Variants in BABAM1 observed in about 807,000 individuals in gnomAD.
The protein encoded by BABAM1 is BRISC and BRCA1-A complex member 1.
In BABAM1, 14 loss-of-function variants were observed where a neutral mutation model predicts 34.4. The ratio of observed to expected loss-of-function variants is 0.41; its 90% confidence interval spans 0.27 to 0.64. The LOEUF (loss-of-function observed/expected upper bound fraction) is 0.64. Among genes scored for constraint, BABAM1 ranks in the 30% least tolerant of loss-of-function variants. The pLI is 0.34. For missense variants in BABAM1, 393 were observed against 434.0 expected (o/e 0.91, Z 0.84); for synonymous variants, 169 against 165.8 (o/e 1.02, Z -0.15).
intron 3 of BABAM1, among the ~76,000 whole-genome samples, chr19:17,272,413 G>GT (rs1213131487): frequency 0.017 from 2,378 of 143,136 alleles, 56 homozygotes; most frequent in African/African-American, 0.055. Context: ...CCTTTTTTTT[G>GT]TTTTTTTTTT....
rs1412345989 is a variant in BABAM1 at position 17,273,882 on chromosome 19, C to T, written c.345-22C>T. ...CCGGCCCTGAGGGAACCTTAATTCC[C>T]CTGTACTCTCTGCCTCCCCAGCTCC... On this transcript the variant is annotated intron_variant, in intron 3 of 8. Coordinates refer to ENST00000598188, the MANE Select transcript of BABAM1 (RefSeq NM_014173.4). 4 of 1,584,684 alleles carry T rather than the reference C, an allele frequency of 2.5e-6. No homozygotes were observed. The Admixed American group carries it at 5.5e-5, about 22-fold the overall frequency.
chr19:17,273,951 T>A lies in BABAM1; in HGVS notation c.392T>A (p.Phe131Tyr), dbSNP rs1183433540. The A allele has an allele frequency of 1.2e-6, 2 of 1,613,868 alleles. No individual in the cohort carries two copies. The highest frequency in any genetic ancestry group is 2.2e-5 in the South Asian group (2 of 91,072). ...GTCTCCCAGAAGATGATTGAGATGT[T>A]CGTGCGGACAAAACACAAGATCGAC... Reference protein sequence around the residue: ...LNVSQKMIEMFVRTKHKIDKS... With the variant: ...LNVSQKMIEMYVRTKHKIDKS... The change falls in exon 4 of 9, where the codon TTC (phenylalanine) becomes TAC (tyrosine). Residue 131 changes from phenylalanine to tyrosine, a missense_variant. By Grantham distance (22) the Phe-to-Tyr change is conservative. Coordinates refer to ENST00000598188, the MANE Select transcript of BABAM1 (RefSeq NM_014173.4).
intron 3 of BABAM1, among the ~76,000 whole-genome samples, chr19:17,273,564 G>T (rs12977905): frequency 0.053 from 2,420 of 45,702 alleles, 146 homozygotes; most frequent in Non-Finnish European, 0.088. Context: ...TGTTTGTTTT[G>T]TTTTTTTTTT....
chr19:17,270,162 A>G (rs1474464726), intron 2 of BABAM1, among the ~76,000 whole-genome samples: 4 of 151,718 alleles, frequency 2.6e-5, no homozygotes, highest in Admixed American at 6.6e-5. Context: ...CGATCTCTTG[A>G]CCTCGTGATC....
intron 5 of BABAM1, 34 bp from the exon 6 acceptor site, chr19:17,275,767 G>C (rs761516521): frequency 6.2e-7 from 1 of 1,613,494 alleles, no homozygotes; most frequent in Non-Finnish European, 8.5e-7. Flanking sequence ...GCTCACTCGT[G>C]CTCTACTAGC....
At chr19:17,270,281 C>A (rs1044534688) in intron 2 of BABAM1, among the ~76,000 whole-genome samples, 3 of 152,096 alleles carry the variant, frequency 2.0e-5, no homozygotes, top group African/African-American at 7.2e-5. Flanking sequence ...ATCTCCTGAC[C>A]TTGTGTTCCA....
intron 3 of BABAM1, among the ~76,000 whole-genome samples, chr19:17,273,176 G>C (rs971690472): frequency 3.9e-5 from 6 of 152,182 alleles, no homozygotes; most frequent in East Asian, 1.9e-4. Flanking sequence ...GCCAGGATTC[G>C]GACCCAGGCC....
At chr19:17,278,776 G>C in intron 8 of BABAM1, 69 bp from the exon 9 acceptor site, 2 of 1,443,182 alleles carry the variant, frequency 1.4e-6, no homozygotes, top group Non-Finnish European at 1.9e-6. Context: ...AGCCCTCCAG[G>C]GATATGAAGG....
At chr19:17,267,552 C>A (rs2073782202) in intron 1 of BABAM1, 25 bp downstream of exon 1, 1 of 152,192 alleles carries the variant, frequency 6.6e-6, no homozygotes, top group Non-Finnish European at 1.5e-5. Flanking sequence ...CGTGTGGGGC[C>A]CGTTCCTAGG....
At chr19:17,276,385 C>G (rs1327143129) in intron 6 of BABAM1, 110 bp from the exon 7 acceptor site, 1 of 1,506,826 alleles carries the variant, frequency 6.6e-7, no homozygotes, top group Non-Finnish European at 9.0e-7. Flanking sequence ...ACTTGGGAGA[C>G]ATCAGTGGGG....
Position 17,269,024 on chromosome 19 carries a change from G to A in BABAM1, c.218G>A (p.Trp73Ter). ...LNTSGAGPKSWQVPPPAPEVQ... is the reference protein window; with the variant it reads ...LNTSGAGPKS ...ACTTCAGGAGCCGGCCCTAAGTCCT[G>A]GCAGGTGCCCCCGCCAGCCCCTGAG... is the stretch of plus-strand genomic sequence containing the variant. The change falls in exon 2 of 9, where the codon TGG (tryptophan) becomes TAG (stop). Residue 73 changes from tryptophan (W) to a stop codon, truncating the protein, a stop_gained. Coordinates refer to ENST00000598188, the MANE Select transcript of BABAM1 (RefSeq NM_014173.4). LOFTEE classifies it high-confidence loss of function. 1 of 1,593,954 alleles carries A rather than the reference G, an allele frequency of 6.3e-7. No homozygotes were observed. Among genetic ancestry groups the A allele is most frequent in the Non-Finnish European group, 8.5e-7 (1 of 1,171,588 alleles).
At position 17,271,674 on chromosome 19, in the gene BABAM1, G is replaced by T. The variant is rs537770038; in HGVS notation, c.344+19G>T. The T allele has an allele frequency of 1.1e-5, 18 of 1,612,712 alleles. No individual in the cohort carries two copies. In the South Asian group the frequency reaches 1.8e-4, roughly 16 times the overall value. On this transcript the variant is annotated intron_variant, in intron 3 of 8. Transcript: ENST00000598188. The stretch of plus-strand genomic sequence containing the variant: ...TCAACGGGTAAGAGGGACATTTTAG[G>T]GCTTGAACATGCAGCCATGGCAGGG...
intron 5 of BABAM1, 131 bp downstream of exon 5, chr19:17,274,316 G>C: frequency 8.3e-7 from 1 of 1,200,618 alleles, no homozygotes; most frequent in Admixed American, 2.0e-5. Context: ...GGCTGGGAAA[G>C]TCACCCCTCT....
intron 5 of BABAM1, among the ~76,000 whole-genome samples, chr19:17,275,525 G>C (rs1018965497): frequency 6.6e-6 from 1 of 151,658 alleles, no homozygotes; most frequent in Non-Finnish European, 1.5e-5. Flanking sequence ...CCTGACCTCA[G>C]ATGGTCCACC....
intron 1 of BABAM1, among the ~76,000 whole-genome samples, chr19:17,267,773 G>C (rs942089298): frequency 6.6e-6 from 1 of 152,168 alleles, no homozygotes; most frequent in Non-Finnish European, 1.5e-5. Context: ...CTCCATTCGC[G>C]TCCTGTTTCT....
At chr19:17,276,328 T>C in intron 6 of BABAM1, 167 bp from the exon 7 acceptor site, 1 of 1,028,904 alleles carries the variant, frequency 9.7e-7, no homozygotes, top group Non-Finnish European at 1.4e-6. Flanking sequence ...GGGAACATGC[T>C]CAGGGCAGAG....
chr19:17,268,550 C>T (rs868634140), intron 1 of BABAM1: 1 of 352,704 alleles, frequency 2.8e-6, no homozygotes. Context: ...CTGCCTCAGC[C>T]TCCCGAGTAG....
chr19:17,277,166 T>C, intron 8 of BABAM1: 1 of 405,696 alleles, frequency 2.5e-6, no homozygotes. Flanking sequence ...TGCGTTCCTT[T>C]CTTTCTTGCT....
chr19:17,276,750 A>G, intron 7 of BABAM1, 73 bp from the exon 8 acceptor site: 1 of 1,556,762 alleles, frequency 6.4e-7, no homozygotes, highest in East Asian at 2.4e-5. Context: ...TGAGGCAGAA[A>G]TGGGGGAGCT....
Sources: allele counts gnomAD v4.1 joint callset (sites outside exome capture counted in the v4.1 genomes callset), GRCh38; gene constraint gnomAD v4.1.1; transcripts MANE v1.5; gene names NCBI Gene and HGNC (gene_info 2026-07-23, HGNC 2026-07-21).